Variants in ST6GALNAC3 observed in about 807,000 individuals in gnomAD.
The protein encoded by ST6GALNAC3 is ST6 N-acetylgalactosaminide alpha-2,6-sialyltransferase 3, also known as alpha-N-acetylgalactosaminide alpha-2,6-sialyltransferase 3.
In ST6GALNAC3, 25 loss-of-function variants were observed where a neutral mutation model predicts 32.7. That is an observed-to-expected ratio of 0.76 (90% CI 0.56 to 1.07). ST6GALNAC3 has a LOEUF of 1.07. ST6GALNAC3 is among the 50% of genes least tolerant of loss of function. ST6GALNAC3 has a pLI of 0.00. For missense variants in ST6GALNAC3, 355 were observed against 382.4 expected (o/e 0.93, Z 0.60); for synonymous variants, 129 against 133.1 (o/e 0.97, Z 0.21).
intron 1 of ST6GALNAC3, among the ~76,000 whole-genome samples, chr1:76,310,487 G>C (rs1353837390): frequency 6.6e-6 from 1 of 152,170 alleles, no homozygotes; most frequent in Admixed American, 6.5e-5. Context: ...GAGATGGAGG[G>C]CTGGGGCTTT....
chr1:76,451,892 A>G (rs1159203371), intron 3 of ST6GALNAC3, among the ~76,000 whole-genome samples: 1 of 152,162 alleles, frequency 6.6e-6, no homozygotes, highest in East Asian at 1.9e-4. Flanking sequence ...CTCTTTGCCA[A>G]TTTGGATGCC....
chr1:76,243,123 C>T (rs1360258941), intron 1 of ST6GALNAC3, among the ~76,000 whole-genome samples: 1 of 152,126 alleles, frequency 6.6e-6, no homozygotes, highest in Admixed American at 6.6e-5. Context: ...TCTCTTGTTT[C>T]CTGACTTTTT....
chr1:76,622,230 G>A (rs906429907), intron 3 of ST6GALNAC3, among the ~76,000 whole-genome samples: 5 of 151,934 alleles, frequency 3.3e-5, no homozygotes, highest in East Asian at 1.9e-4. Flanking sequence ...TTCTGAACTC[G>A]TTGTCCTTGT....
chr1:76,103,912 A>G (rs541717939), intron 1 of ST6GALNAC3, among the ~76,000 whole-genome samples: 1 of 152,212 alleles, frequency 6.6e-6, no homozygotes, highest in East Asian at 1.9e-4. Context: ...ATCTTTTTCC[A>G]TATAATGTAT....
intron 3 of ST6GALNAC3, among the ~76,000 whole-genome samples, chr1:76,616,353 A>AC (rs764437598): frequency 3.8e-4 from 58 of 152,330 alleles, no homozygotes; most frequent in African/African-American, 7.5e-4. Context: ...GCAAAATTTA[A>AC]TTGGAATAGC....
At chr1:76,604,988 T>C (rs1290027319) in intron 3 of ST6GALNAC3, among the ~76,000 whole-genome samples, 1 of 152,228 alleles carries the variant, frequency 6.6e-6, no homozygotes, top group Non-Finnish European at 1.5e-5. Flanking sequence ...ATTTCCCATA[T>C]GCAGTTCATA....
At chr1:76,545,431 A>G (rs1051602553) in intron 3 of ST6GALNAC3, among the ~76,000 whole-genome samples, 4 of 152,114 alleles carry the variant, frequency 2.6e-5, no homozygotes, top group African/African-American at 9.7e-5. Flanking sequence ...ACTGAACCTA[A>G]TATAAGTTTC....
intron 1 of ST6GALNAC3, among the ~76,000 whole-genome samples, chr1:76,146,959 A>G (rs2100309512): frequency 6.6e-6 from 1 of 151,988 alleles, no homozygotes. Flanking sequence ...ATCTCATGCT[A>G]TGTCTAATGA....
At chr1:76,590,732 CCAG>C (rs1258045177) in intron 3 of ST6GALNAC3, among the ~76,000 whole-genome samples, 9 of 152,116 alleles carry the variant, frequency 5.9e-5, no homozygotes, top group Non-Finnish European at 1.2e-4. Flanking sequence ...ATACAGGAAA[CCAG>C]CATGCAGAAA....
Position 76,629,448 on chromosome 1 carries a change from A to G in ST6GALNAC3, c.*642A>G. The G allele has an allele frequency of 1.0e-6, 1 of 985,644 alleles. No homozygotes were observed. The highest frequency in any genetic ancestry group is 1.2e-6 in the Non-Finnish European group (1 of 829,826). 61.1% of individuals were successfully genotyped at this position (985,644 alleles called of 1,614,324 possible). Reference sequence around the variant, plus strand: ...AGGATTACTTGACTATCTCAAACACATAAATCAAAATGGGCCAAGTAGCAA... The same window carrying G: ...AGGATTACTTGACTATCTCAAACACGTAAATCAAAATGGGCCAAGTAGCAA... On this transcript the variant is annotated 3_prime_UTR_variant, in exon 5 of 5. Coordinates refer to ENST00000328299, the MANE Select transcript of ST6GALNAC3 (RefSeq NM_152996.4).
chr1:76,104,642 T>C (rs1353724558), intron 1 of ST6GALNAC3, among the ~76,000 whole-genome samples: 1 of 151,988 alleles, frequency 6.6e-6, no homozygotes, highest in African/African-American at 2.4e-5. Flanking sequence ...TGAGGTGTTT[T>C]AAAGCATTTA....
intron 3 of ST6GALNAC3, among the ~76,000 whole-genome samples, chr1:76,626,278 C>T (rs928357968): frequency 5.9e-5 from 9 of 151,796 alleles, no homozygotes; most frequent in Admixed American, 2.0e-4. Flanking sequence ...TCCTGTAGGC[C>T]AAGAAGTCTA....
intron 3 of ST6GALNAC3, among the ~76,000 whole-genome samples, chr1:76,575,363 T>C (rs1646785363): frequency 1.3e-5 from 2 of 152,042 alleles, no homozygotes; most frequent in South Asian, 2.1e-4. Flanking sequence ...AGAGAACAGG[T>C]TTTATTCATT....
chr1:76,088,826 T>C (rs1480552262), intron 1 of ST6GALNAC3, among the ~76,000 whole-genome samples: 1 of 152,182 alleles, frequency 6.6e-6, no homozygotes. Flanking sequence ...ATGAATTAAT[T>C]TTAGGCAAAA....
At chr1:76,621,563 C>T (rs1032200906) in intron 3 of ST6GALNAC3, among the ~76,000 whole-genome samples, 1 of 151,862 alleles carries the variant, frequency 6.6e-6, no homozygotes, top group Non-Finnish European at 1.5e-5. Context: ...CCATAGCTCC[C>T]GACTATTGAA....
chr1:76,226,459 G>A (rs1397122258), intron 1 of ST6GALNAC3, among the ~76,000 whole-genome samples: 1 of 152,188 alleles, frequency 6.6e-6, no homozygotes, highest in East Asian at 1.9e-4. Context: ...GAATTTATCA[G>A]TGATGGCAAA....
chr1:76,542,894 C>T (rs315067), intron 3 of ST6GALNAC3, among the ~76,000 whole-genome samples: 16,789 of 152,090 alleles, frequency 0.11, 1,111 homozygotes, highest in East Asian at 0.2. Flanking sequence ...TGCTACCTAA[C>T]AGGTAATGTC....
chr1:76,283,790 T>C (rs1659628098), intron 1 of ST6GALNAC3, among the ~76,000 whole-genome samples: 1 of 152,216 alleles, frequency 6.6e-6, no homozygotes. Context: ...TTCATTGCAA[T>C]TGTTTTATTT....
chr1:76,236,116 TTGC>T (rs1656642727), intron 1 of ST6GALNAC3, among the ~76,000 whole-genome samples: 6 of 151,968 alleles, frequency 3.9e-5, no homozygotes, highest in African/African-American at 1.5e-4. Context: ...GGCTAATTTT[TTGC>T]GTATTTTTAA....
Sources: allele counts gnomAD v4.1 joint callset (sites outside exome capture counted in the v4.1 genomes callset), GRCh38; gene constraint gnomAD v4.1.1; transcripts MANE v1.5; gene names NCBI Gene and HGNC (gene_info 2026-07-23, HGNC 2026-07-21).